The following TSHZ2 variants were observed in gnomAD, a reference collection of about 807,000 sequenced individuals.
TSHZ2 encodes the protein teashirt homolog 2.
In TSHZ2, 21 loss-of-function variants were observed where a neutral mutation model predicts 74.4. The observed-to-expected ratio is 0.28, with a 90% CI of 0.20 to 0.41. The LOEUF is 0.41. TSHZ2 is among the 10% of genes least tolerant of loss of function. The probability of loss-of-function intolerance (pLI) is 1.00; values close to 1 mark genes in which losing one functional copy is unlikely to be tolerated. For missense variants in TSHZ2, 1,244 were observed against 1,293.5 expected, an observed-to-expected ratio of 0.96 and a Z score of 0.59; for synonymous variants, 540 against 515.3, an observed-to-expected ratio of 1.05 and a Z score of -0.65.
At chr20:53,164,817 G>T (rs554945069) in intron 1 of TSHZ2, among the ~76,000 whole-genome samples, 5 of 152,260 alleles carry the variant, frequency 3.3e-5, no homozygotes, top group African/African-American at 1.2e-4. Flanking sequence ...GATGTCCCAT[G>T]GGTCTGACAT....
At chr20:53,385,663 T>G (rs1380400389) in intron 2 of TSHZ2, among the ~76,000 whole-genome samples, 1 of 152,172 alleles carries the variant, frequency 6.6e-6, no homozygotes, top group Non-Finnish European at 1.5e-5. Context: ...AACCCAGGGT[T>G]CCCAAGCCAA....
chr20:53,007,717 CGTGT>C (rs1045818495), intron 1 of TSHZ2, among the ~76,000 whole-genome samples: 3 of 142,702 alleles, frequency 2.1e-5, no homozygotes, highest in Non-Finnish European at 4.6e-5. Flanking sequence ...TATGTATACT[CGTGT>C]GTGTGTATGT....
intron 1 of TSHZ2, among the ~76,000 whole-genome samples, chr20:53,056,662 A>G (rs1018532260): frequency 6.6e-6 from 1 of 152,018 alleles, no homozygotes. Context: ...CCCAGCACAC[A>G]CTCAGCTGCA....
At chr20:53,021,525 T>A (rs1265387561) in intron 1 of TSHZ2, among the ~76,000 whole-genome samples, 1 of 152,192 alleles carries the variant, frequency 6.6e-6, no homozygotes, top group East Asian at 1.9e-4. Flanking sequence ...GTCAGCCTAT[T>A]TGGAACCAAA....
At chr20:53,250,725 G>C (rs910205888) in intron 1 of TSHZ2, among the ~76,000 whole-genome samples, 18 of 152,024 alleles carry the variant, frequency 1.2e-4, no homozygotes, top group Admixed American at 3.9e-4. Flanking sequence ...CTGTATTGTG[G>C]GGGAGGCGTT....
At chr20:53,224,537 C>A (rs1989636123) in intron 1 of TSHZ2, among the ~76,000 whole-genome samples, 2 of 152,172 alleles carry the variant, frequency 1.3e-5, no homozygotes, top group Non-Finnish European at 2.9e-5. Context: ...TTAGTGCATT[C>A]TCCAGTTCCT....
intron 1 of TSHZ2, among the ~76,000 whole-genome samples, chr20:53,016,263 T>TC (rs1983036492): frequency 1.3e-5 from 2 of 152,078 alleles, no homozygotes; most frequent in Non-Finnish European, 2.9e-5. Context: ...TCCCTTCCCC[T>TC]CCCCACTCAT....
At chr20:53,104,700 A>G (rs916596272) in intron 1 of TSHZ2, among the ~76,000 whole-genome samples, 2 of 152,204 alleles carry the variant, frequency 1.3e-5, no homozygotes, top group African/African-American at 4.8e-5. Context: ...AGAACTTATT[A>G]CGGAGGCTAA....
intron 1 of TSHZ2, among the ~76,000 whole-genome samples, chr20:53,194,022 G>A (rs758982443): frequency 2.6e-5 from 4 of 152,198 alleles, no homozygotes; most frequent in Non-Finnish European, 4.4e-5. Context: ...GACCACCTCT[G>A]ATGATTCATT....
At position 53,254,159 on chromosome 20, in the gene TSHZ2, T is replaced by C; in HGVS notation, c.701T>C (p.Met234Thr). Residue 234 changes from methionine to threonine, a missense_variant, in exon 2 of 3, where the codon ATG becomes ACG. Coordinates refer to ENST00000371497, the MANE Select transcript of TSHZ2 (RefSeq NM_173485.6). ...ACCCTAGTCGAGCTGACTGTGCACA[T>C]GAATGAAACGGGCCACTATCAAGAT... is the stretch of plus-strand genomic sequence containing the variant. ...YDTLVELTVH[M>T]NETGHYQDDN... is the part of the protein sequence containing the mutation. The C allele has an allele frequency of 6.2e-7, 1 of 1,613,982 alleles. No individual in the cohort carries two copies. Among genetic ancestry groups the C allele is most frequent in the African/African-American group, 1.3e-5 (1 of 74,944 alleles).
intron 1 of TSHZ2, among the ~76,000 whole-genome samples, chr20:53,001,324 A>G (rs1600639402): frequency 6.6e-6 from 1 of 151,548 alleles, no homozygotes; most frequent in Non-Finnish European, 1.5e-5. Context: ...GCTTCAGTTC[A>G]GCAGCTCTGA....
intron 2 of TSHZ2, among the ~76,000 whole-genome samples, chr20:53,374,674 T>C (rs1041591060): frequency 6.6e-6 from 1 of 152,186 alleles, no homozygotes; most frequent in African/African-American, 2.4e-5. Flanking sequence ...GTTTTGGTTC[T>C]TAAGAGCCAT....
chr20:53,241,560 AT>A (rs1247794651), intron 1 of TSHZ2, among the ~76,000 whole-genome samples: 2 of 152,098 alleles, frequency 1.3e-5, no homozygotes, highest in African/African-American at 4.8e-5. Context: ...CCTGATGAAC[AT>A]TTTTTTCAGC....
chr20:53,488,049 T>A lies in TSHZ2; in HGVS notation c.*914T>A, dbSNP rs1986341891. 6.6e-6 allele frequency: 1 copy of A among 152,250 alleles called. No homozygotes were observed. Among genetic ancestry groups the A allele is most frequent in the South Asian group, 2.1e-4 (1 of 4,834 alleles). 9.4% of individuals were successfully genotyped at this position (152,250 alleles called of 1,614,324 possible). On this transcript the variant is annotated 3_prime_UTR_variant, in exon 3 of 3. Transcript: ENST00000371497. ...TGCAGCAGCCTTTTCTGGTAATCCC[T>A]TTCTGCAGAACCTGATGTTTATGGG...
intron 2 of TSHZ2, among the ~76,000 whole-genome samples, chr20:53,297,738 G>A (rs1991406501): frequency 6.6e-6 from 1 of 152,146 alleles, no homozygotes; most frequent in South Asian, 2.1e-4. Context: ...CACTTTCCTT[G>A]TGTATACAAT....
intron 1 of TSHZ2, among the ~76,000 whole-genome samples, chr20:53,064,637 T>G (rs1054141491): frequency 6.6e-6 from 1 of 151,610 alleles, no homozygotes; most frequent in Non-Finnish European, 1.5e-5. Context: ...AGACAGCATC[T>G]CTAAAAAATA....
At chr20:53,334,304 G>T (rs1023074037) in intron 2 of TSHZ2, among the ~76,000 whole-genome samples, 2 of 152,174 alleles carry the variant, frequency 1.3e-5, no homozygotes, top group African/African-American at 4.8e-5. Flanking sequence ...CAGGATGGTT[G>T]GAGAGGGCCT....
At chr20:53,140,659 C>T (rs928760857) in intron 1 of TSHZ2, among the ~76,000 whole-genome samples, 6 of 152,102 alleles carry the variant, frequency 3.9e-5, no homozygotes, top group African/African-American at 1.4e-4. Context: ...ATTCCCTGGC[C>T]TTGCCAGGTA....
chr20:53,127,248 T>G lies in TSHZ2; in HGVS notation c.41-126251T>G, dbSNP rs145539479. ...CACTGTGCCAGAAACTAAAAATATA[T>G]TCAATGAGACAGAAAAGGACGAAGC... is the stretch of plus-strand genomic sequence containing the variant. On this transcript the variant is annotated intron_variant, in intron 1 of 2. Transcript: ENST00000371497. 4.0e-3 allele frequency among the ~76,000 whole-genome samples: 602 copies of G among 152,358 alleles called. 2 individuals carry two copies. Among genetic ancestry groups the G allele is most frequent in the Non-Finnish European group, 6.2e-3 (419 of 68,038 alleles).
Sources: allele counts gnomAD v4.1 joint callset (sites outside exome capture counted in the v4.1 genomes callset), GRCh38; gene constraint gnomAD v4.1.1; transcripts MANE v1.5; gene names NCBI Gene and HGNC (gene_info 2026-07-23, HGNC 2026-07-21).